Variants in ARHGAP10 observed in about 807,000 individuals in gnomAD.
The protein encoded by ARHGAP10 is Rho GTPase activating protein 10.
In ARHGAP10, 87 loss-of-function variants were observed where a neutral mutation model predicts 108.6. That is an observed-to-expected ratio of 0.80 (90% CI 0.67 to 0.96). The LOEUF is 0.96. Ranked by LOEUF, ARHGAP10 falls within the 40% of genes least tolerant of loss-of-function variation. ARHGAP10 has a pLI of 0.00. For synonymous variants in ARHGAP10, 347 were observed against 341.1 expected (o/e 1.02, Z -0.19); for missense variants, 939 against 954.5 (o/e 0.98, Z 0.21).
intron 1 of ARHGAP10, among the ~76,000 whole-genome samples, chr4:147,800,771 A>G (rs1411172797): frequency 6.6e-6 from 1 of 152,154 alleles, no homozygotes; most frequent in Non-Finnish European, 1.5e-5. Flanking sequence ...GCAGAGAGAC[A>G]TAGTTTTCTA....
intron 10 of ARHGAP10, among the ~76,000 whole-genome samples, chr4:147,905,819 T>G (rs1478669835): frequency 2.0e-5 from 3 of 151,844 alleles, no homozygotes; most frequent in Non-Finnish European, 4.4e-5. Context: ...TAAATTACCT[T>G]GGGCAGTATG....
At chr4:147,838,770 C>T (rs760537078) in intron 3 of ARHGAP10, among the ~76,000 whole-genome samples, 3 of 152,174 alleles carry the variant, frequency 2.0e-5, no homozygotes, top group Non-Finnish European at 4.4e-5. Flanking sequence ...AATGTAACCA[C>T]TGATCTTATT....
intron 1 of ARHGAP10, 42 bp from the exon 2 acceptor site, chr4:147,822,685 A>G (rs748932864): frequency 2.5e-5 from 39 of 1,579,082 alleles, no homozygotes; most frequent in Admixed American, 3.4e-5. Flanking sequence ...ATGCTTTGAC[A>G]TAAAACAAGA....
At chr4:147,989,368 G>T (rs1035489407) in intron 18 of ARHGAP10, among the ~76,000 whole-genome samples, 16 of 152,350 alleles carry the variant, frequency 1.1e-4, no homozygotes, top group Admixed American at 9.8e-4. Flanking sequence ...AGGAGACAGG[G>T]TTTTGAGATC....
At chr4:148,008,962 CT>C (rs1741060388) in intron 18 of ARHGAP10, among the ~76,000 whole-genome samples, 1 of 151,908 alleles carries the variant, frequency 6.6e-6, no homozygotes, top group Non-Finnish European at 1.5e-5. Context: ...ATTATTTTTG[CT>C]TTGGAAAAAT....
intron 3 of ARHGAP10, among the ~76,000 whole-genome samples, chr4:147,845,708 A>T (rs774277038): frequency 1.3e-5 from 2 of 152,216 alleles, no homozygotes; most frequent in Non-Finnish European, 2.9e-5. Flanking sequence ...TGGGATCACT[A>T]GTTGGGTAGA....
chr4:147,886,088 G>A (rs775526411), intron 10 of ARHGAP10, among the ~76,000 whole-genome samples: 3 of 152,152 alleles, frequency 2.0e-5, no homozygotes, highest in African/African-American at 4.8e-5. Context: ...TATATGAAAC[G>A]TACATGAATT....
intron 1 of ARHGAP10, among the ~76,000 whole-genome samples, chr4:147,806,462 T>G (rs1277472997): frequency 6.6e-6 from 1 of 151,112 alleles, no homozygotes; most frequent in Non-Finnish European, 1.5e-5. Context: ...TAGTACCAGA[T>G]TAAGTAATCA....
intron 14 of ARHGAP10, among the ~76,000 whole-genome samples, chr4:147,942,342 A>T (rs891831008): frequency 2.6e-5 from 4 of 152,156 alleles, no homozygotes; most frequent in African/African-American, 9.7e-5. Context: ...GTAGTTCTTG[A>T]GAGCTAATTA....
intron 1 of ARHGAP10, chr4:147,745,363 T>C (rs1053834896): frequency 1.3e-5 from 2 of 152,270 alleles, no homozygotes; most frequent in African/African-American, 4.8e-5. Flanking sequence ...TTGACCCTGC[T>C]TAGCATCTGA....
At chr4:147,766,823 T>TTCAC (rs1560746954) in intron 1 of ARHGAP10, among the ~76,000 whole-genome samples, 4 of 13,700 alleles carry the variant, frequency 2.9e-4, no homozygotes, top group Non-Finnish European at 5.2e-3. Flanking sequence ...TATATATATA[T>TTCAC]ATATATATAT....
intron 1 of ARHGAP10, among the ~76,000 whole-genome samples, chr4:147,769,270 C>G (rs1295081596): frequency 1.3e-5 from 2 of 151,836 alleles, no homozygotes; most frequent in East Asian, 3.9e-4. Flanking sequence ...CTAATTACCA[C>G]CAATGAAGGT....
chr4:147,765,341 G>GGGT (rs1729761331), intron 1 of ARHGAP10, among the ~76,000 whole-genome samples: 1 of 127,270 alleles, frequency 7.9e-6, no homozygotes, highest in Admixed American at 7.9e-5. Context: ...TGTGTGTGGG[G>GGGT]GGGGGGGTGT....
intron 1 of ARHGAP10, among the ~76,000 whole-genome samples, chr4:147,766,617 TATACAC>T (rs1485652542): frequency 7.2e-6 from 1 of 138,536 alleles, no homozygotes; most frequent in Non-Finnish European, 1.6e-5. Context: ...TATGTGTATG[TATACAC>T]ATATATATAC....
intron 7 of ARHGAP10, among the ~76,000 whole-genome samples, chr4:147,870,249 G>C (rs1458668273): frequency 6.6e-6 from 1 of 151,976 alleles, no homozygotes; most frequent in Non-Finnish European, 1.5e-5. Flanking sequence ...TTTTGATAGA[G>C]ACGGCGATTC....
chr4:147,933,665 C>T (rs551102876), intron 13 of ARHGAP10, among the ~76,000 whole-genome samples: 5 of 152,298 alleles, frequency 3.3e-5, no homozygotes, highest in African/African-American at 9.6e-5. Flanking sequence ...AAAAAAGATA[C>T]TGGGACTGTG....
At chr4:148,040,147 C>A (rs941552827) in intron 19 of ARHGAP10, among the ~76,000 whole-genome samples, 3 of 152,168 alleles carry the variant, frequency 2.0e-5, no homozygotes, top group African/African-American at 4.8e-5. Flanking sequence ...TTATTGCCAG[C>A]ACAATGTTCT....
intron 13 of ARHGAP10, among the ~76,000 whole-genome samples, chr4:147,924,872 G>A (rs1034220931): frequency 3.9e-5 from 6 of 152,162 alleles, no homozygotes; most frequent in Non-Finnish European, 8.8e-5. Context: ...GCCAGTAAGT[G>A]TGAGTTGCTT....
chr4:148,051,080 A>T (rs887933811), intron 20 of ARHGAP10, among the ~76,000 whole-genome samples: 8 of 152,252 alleles, frequency 5.3e-5, no homozygotes, highest in Non-Finnish European at 1.0e-4. Context: ...GAAAACTTAC[A>T]GCAGCCGTGG....
Sources: allele counts gnomAD v4.1 joint callset (sites outside exome capture counted in the v4.1 genomes callset), GRCh38; gene constraint gnomAD v4.1.1; transcripts MANE v1.5; gene names NCBI Gene and HGNC (gene_info 2026-07-23, HGNC 2026-07-21).